The following TTC3 variants were observed in gnomAD, a reference collection of about 807,000 sequenced individuals.
TTC3 encodes tetratricopeptide repeat domain 3, also known as E3 ubiquitin-protein ligase TTC3.
A neutral mutation model predicts 249.6 loss-of-function variants in TTC3; 180 were observed. The ratio of observed to expected loss-of-function variants is 0.72; its 90% CI spans 0.64 to 0.82. TTC3 has a LOEUF of 0.82. Ranked by LOEUF, TTC3 falls within the 40% of genes least tolerant of loss-of-function variation. The pLI is 0.00. For synonymous variants in TTC3, 717 were observed against 805.0 expected, an observed-to-expected ratio of 0.89 and a Z score of 1.85; for missense variants, 2,061 against 2,398.4, an observed-to-expected ratio of 0.86 and a Z score of 2.94.
At chr21:37,153,313 A>G in intron 27 of TTC3, 36 bp downstream of exon 27, 2 of 1,548,856 alleles carry the variant, frequency 1.3e-6, no homozygotes, top group Non-Finnish European at 1.7e-6. Context: ...ATAAACTTTA[A>G]TACGAAGGGG....
intron 10 of TTC3, among the ~76,000 whole-genome samples, chr21:37,099,974 G>A (rs559926107): frequency 1.3e-5 from 2 of 152,310 alleles, no homozygotes; most frequent in Admixed American, 6.5e-5. Context: ...GAGTGAAAAA[G>A]CAAGTCACAG....
intron 32 of TTC3, among the ~76,000 whole-genome samples, chr21:37,164,967 C>G (rs2081116938): frequency 6.6e-6 from 1 of 152,090 alleles, no homozygotes; most frequent in Non-Finnish European, 1.5e-5. Context: ...GCTCTTAGAT[C>G]CTTCTTCATG....
At chr21:37,109,895 C>T (rs906934603) in intron 11 of TTC3, among the ~76,000 whole-genome samples, 3 of 152,194 alleles carry the variant, frequency 2.0e-5, no homozygotes, top group South Asian at 4.1e-4. Context: ...GCAGCATTTG[C>T]GATTCACCAA....
chr21:37,122,425 T>TATATATATATTATATATATATATA, intron 12 of TTC3, among the ~76,000 whole-genome samples: 1 of 27,344 alleles, frequency 3.7e-5, no homozygotes, highest in African/African-American at 1.1e-4. Flanking sequence ...ATATAATATA[T>TATATATATATTATATATATATATA]ATATATATAT....
In TTC3 at chr21:37,160,946, A is replaced by G. The variant is rs969610235; in HGVS notation, c.3096+88A>G. ...ACATTAGAATTGAGCAATTCTTGGG[A>G]TATTTTGAAACATTTGTAGAGAAAG... On this transcript the variant is annotated intron_variant, in intron 30 of 45. Transcript: ENST00000355666. The G allele has an allele frequency of 1.3e-5, 17 of 1,310,396 alleles. No homozygotes were observed. The South Asian group carries it at 2.3e-4, about 18-fold the overall frequency. 81.2% of individuals were successfully genotyped at this position (1,310,396 alleles called of 1,614,324 possible). A position where few individuals can be genotyped will look rare whatever the true frequency, so the allele number is the denominator to read the frequency against.
chr21:37,090,324 G>T lies in TTC3; in HGVS notation c.480+38G>T, dbSNP rs767757718. 2.0e-6 allele frequency: 3 copies of T among 1,531,914 alleles called. No individual in the cohort carries two copies. In the Admixed American group the frequency reaches 5.1e-5, roughly 26 times the overall value. The allele number at this position is 1,531,914 out of a possible 1,614,324, so 94.9% of individuals were successfully genotyped here. ...CACTGAAACTGGCACAGCCACTGTG[G>T]ATGAGTGGCAGTCATCTCACTGCTC... On this transcript the variant is annotated intron_variant, in intron 6 of 45. Coordinates refer to ENST00000355666, the Ensembl canonical transcript of TTC3.
intron 11 of TTC3, among the ~76,000 whole-genome samples, chr21:37,110,408 A>G (rs1419560543): frequency 1.3e-5 from 2 of 152,250 alleles, no homozygotes; most frequent in African/African-American, 4.8e-5. Context: ...CTATGTGACA[A>G]ATGCACAAAC....
chr21:37,152,324 T>C (rs1304839980), intron 26 of TTC3, among the ~76,000 whole-genome samples: 1 of 152,008 alleles, frequency 6.6e-6, no homozygotes, highest in Non-Finnish European at 1.5e-5. Context: ...AGGTAGTTGA[T>C]GAGGCTGGGT....
In TTC3 at chr21:37,116,657, A is replaced by T. The variant is rs188443565; in HGVS notation, c.901-5160A>T. Among the ~76,000 whole-genome samples the T allele has an allele frequency of 6.6e-3, 1,002 of 152,136 alleles. 9 individuals carry two copies. The highest frequency in any genetic ancestry group is 0.018 in the Admixed American group (281 of 15,272). ...AACCCCGTCTCTACAAAAAAATTTT[A>T]AAAAATTACTGGATGTTGTGGTGCA... On this transcript the variant is annotated intron_variant, in intron 11 of 45. Coordinates refer to ENST00000355666, the Ensembl canonical transcript of TTC3.
chr21:37,191,405 A>T, exon 40 of TTC3: 1 of 1,580,250 alleles, frequency 6.3e-7, no homozygotes, highest in Non-Finnish European at 8.6e-7. Flanking sequence ...AATGTTACAA[A>T]AGAAATTGAG....
At chr21:37,105,434 G>C (rs1250219340) in intron 10 of TTC3, among the ~76,000 whole-genome samples, 1 of 152,156 alleles carries the variant, frequency 6.6e-6, no homozygotes, top group African/African-American at 2.4e-5. Context: ...TTGGTCCTCA[G>C]GCTGTCCCCT....
chr21:37,122,862 C>A, intron 12 of TTC3, 121 bp from the exon 13 acceptor site: 1 of 988,774 alleles, frequency 1.0e-6, no homozygotes, highest in Non-Finnish European at 1.4e-6. Context: ...CTTAGATTTA[C>A]TTTTCAGTTT....
At chr21:37,135,037 T>C (rs542338810) in intron 17 of TTC3, among the ~76,000 whole-genome samples, 19 of 152,350 alleles carry the variant, frequency 1.2e-4, no homozygotes, top group Admixed American at 9.1e-4. Context: ...AACTTACTTA[T>C]TTAAATGATG....
chr21:37,077,470 C>A (rs2071058259), intron 1 of TTC3, among the ~76,000 whole-genome samples: 1 of 152,156 alleles, frequency 6.6e-6, no homozygotes, highest in South Asian at 2.1e-4. Flanking sequence ...ATCAGCTTTA[C>A]AAAATAATGT....
At chr21:37,157,812 CAT>C (rs775299526) in intron 28 of TTC3, among the ~76,000 whole-genome samples, 74 of 152,286 alleles carry the variant, frequency 4.9e-4, no homozygotes, top group African/African-American at 1.6e-3. Context: ...GAGGCAGTGA[CAT>C]GTGTGGTCCT....
chr21:37,167,160 G>C (rs1181498818), intron 33 of TTC3, among the ~76,000 whole-genome samples: 3 of 152,166 alleles, frequency 2.0e-5, no homozygotes, highest in African/African-American at 7.2e-5. Context: ...AACCAGGGGA[G>C]GAATGAGAAT....
intron 26 of TTC3, 134 bp from the exon 27 acceptor site, chr21:37,152,817 A>G (rs2079609635): frequency 8.5e-6 from 6 of 707,014 alleles, no homozygotes; most frequent in Non-Finnish European, 1.3e-5. Flanking sequence ...TTTCTAATTA[A>G]AGTTTCTTGA....
chr21:37,101,816 G>A (rs963157857), intron 10 of TTC3, among the ~76,000 whole-genome samples: 2 of 151,260 alleles, frequency 1.3e-5, no homozygotes, highest in African/African-American at 4.9e-5. Context: ...GCTTGTTTTG[G>A]ATCTGTATAT....
intron 30 of TTC3, among the ~76,000 whole-genome samples, chr21:37,161,165 A>T (rs2835637): frequency 0.33 from 49,629 of 151,894 alleles, 8,443 homozygotes; most frequent in South Asian, 0.52. Context: ...TAGATAACAT[A>T]TTTAAACTAA....
Sources: allele counts gnomAD v4.1 joint callset (sites outside exome capture counted in the v4.1 genomes callset), GRCh38; gene constraint gnomAD v4.1.1; transcripts MANE v1.5; gene names NCBI Gene and HGNC (gene_info 2026-07-23, HGNC 2026-07-21).